Variants in AIRE observed in about 807,000 individuals in gnomAD.
AIRE encodes autoimmune regulator, also known as autoimmune polyendocrinopathy candidiasis ectodermal dystrophy protein.
AIRE carries 52 observed loss-of-function variants against 62.1 expected under a neutral mutation model. The ratio of observed to expected loss-of-function variants is 0.84; its 90% CI spans 0.67 to 1.06. The LOEUF (loss-of-function observed/expected upper bound fraction) is 1.06, where lower values mean the gene tolerates loss of function less well. Ranked by LOEUF, AIRE falls within the 50% of genes least tolerant of loss-of-function variation. AIRE has a pLI of 0.00. For synonymous variants in AIRE, 342 were observed against 321.6 expected (o/e 1.06, Z -0.68); for missense variants, 774 against 755.8 (o/e 1.02, Z -0.28).
rs1601970163 is a variant in AIRE, at chr21:44,294,053, A to G, written c.1400+143A>G. On this transcript the variant is annotated intron_variant, in intron 11 of 13. Coordinates refer to ENST00000291582, the MANE Select transcript of AIRE (RefSeq NM_000383.4). Reference sequence around the variant, plus strand: ...CCACCCACACCTTGCACCCCACCCCACACCCATGCCCTGCACCCACACCCT... The same window carrying G: ...CCACCCACACCTTGCACCCCACCCCGCACCCATGCCCTGCACCCACACCCT... 3.9e-5 allele frequency: 37 copies of G among 954,516 alleles called. 1 individual carries two copies. In the South Asian group the frequency reaches 5.4e-4, roughly 14 times the overall value. The allele number at this position is 954,516 out of a possible 1,614,324, so 59.1% of individuals were successfully genotyped here. A position where few individuals can be genotyped will look rare whatever the true frequency, so the allele number is the denominator to read the frequency against.
chr21:44,289,618 T>C, intron 5 of AIRE, 39 bp from the exon 6 acceptor site: 1 of 1,611,836 alleles, frequency 6.2e-7, no homozygotes, highest in Non-Finnish European at 8.5e-7. Flanking sequence ...CAGGTCCTGC[T>C]GGGCGGGTGA....
rs60821379 is a variant in AIRE at position 44,296,656 on chromosome 21, G to GC, written c.1566+219dup. Among the ~76,000 whole-genome samples, 24,419 of 130,392 alleles carry GC rather than the reference G, an allele frequency of 0.19. 2,538 individuals carry two copies. The highest frequency in any genetic ancestry group is 0.25 in the Middle Eastern group (65 of 258). The allele number at this position is 130,392 out of a possible 152,430, so 85.5% of individuals were successfully genotyped here. On this transcript the variant is annotated intron_variant, in intron 13 of 13. Transcript: ENST00000291582. ...GAGCCCCCCTAGCCCCCTTGCAGGA[G>GC]CCCCCCCCGGCCCCTCCCCCTGCGG... is the stretch of plus-strand genomic sequence containing the variant.
In AIRE at chr21:44,293,055, C is replaced by G. The variant is rs199555518; in HGVS notation, c.1158C>G (p.Ala386=). The change falls in exon 10 of 14, where the codon GCC becomes GCG. Residue 386 remains alanine (A), a synonymous_variant. Transcript: ENST00000291582. ...EVRGPPGEPL[A]GMDTTLVYKH... ...GAGGTCCACCTGGGGAACCCCTAGC[C>G]GGCATGGACACGACTCTTGTCTACA... The G allele has an allele frequency of 1.2e-6, 2 of 1,612,540 alleles. No individual in the cohort carries two copies. Among genetic ancestry groups the G allele is most frequent in the Non-Finnish European group, 1.7e-6 (2 of 1,179,846 alleles).
At chr21:44,295,100 G>A (rs937167792) in intron 12 of AIRE, among the ~76,000 whole-genome samples, 6 of 152,190 alleles carry the variant, frequency 3.9e-5, no homozygotes, top group African/African-American at 9.7e-5. Context: ...GAGCCTCCGG[G>A]GGGGTGGCCT....
At chr21:44,293,507 G>T (rs901808420) in intron 10 of AIRE, among the ~76,000 whole-genome samples, 1 of 151,966 alleles carries the variant, frequency 6.6e-6, no homozygotes, top group Non-Finnish European at 1.5e-5. Flanking sequence ...GGAGACTCCC[G>T]CACTCAGCCC....
Position 44,286,062 on chromosome 21 carries a change from C to A in AIRE, c.56C>A (p.Ala19Glu), listed in dbSNP as rs1456062309. The A allele has an allele frequency of 6.5e-7, 1 of 1,542,190 alleles. No individual in the cohort carries two copies. Among genetic ancestry groups the A allele is most frequent in the Non-Finnish European group, 8.7e-7 (1 of 1,146,010 alleles). ...RLLRLHRTEI[A>E]VAVDSAFPLL... The stretch of plus-strand genomic sequence containing the variant: ...CTGAGGCTGCACCGCACGGAGATCG[C>A]GGTGGCCGTGGACAGCGCCTTCCCA... The change falls in exon 1 of 14, where the codon GCG (alanine) becomes GAG (glutamate). Residue 19 changes from alanine (A) to glutamate (E), a missense_variant. Physicochemically the swap from Ala to Glu is moderately radical, Grantham distance 107. Around this residue, in one of 3 missense-constraint regions of AIRE, gnomAD observed 385 missense variants for 396.0 expected, o/e 0.97. Coordinates refer to ENST00000291582, the MANE Select transcript of AIRE (RefSeq NM_000383.4). This position sits in a 1 kb window ranked among gnomAD's most constrained non-coding sequence, Gnocchi z 6.0.
chr21:44,297,605 G>A lies in AIRE; in HGVS notation c.1567-51G>A, dbSNP rs781217882. 12 of 1,479,504 alleles carry A rather than the reference G, an allele frequency of 8.1e-6. No homozygotes were observed. Among genetic ancestry groups the A allele is most frequent in the Non-Finnish European group, 1.0e-5 (11 of 1,061,460 alleles). 91.6% of individuals were successfully genotyped at this position (1,479,504 alleles called of 1,614,324 possible). A position where few individuals can be genotyped will look rare whatever the true frequency, so the allele number is the denominator to read the frequency against. Reference sequence around the variant, plus strand: ...CTTGTAACGATGGCCATGATTCTGTGGCTGCGGCGGGGGCGCACCTGGAGG... The same window carrying A: ...CTTGTAACGATGGCCATGATTCTGTAGCTGCGGCGGGGGCGCACCTGGAGG... On this transcript the variant is annotated intron_variant, in intron 13 of 13. Transcript: ENST00000291582. This position sits in a 1 kb window ranked among gnomAD's most constrained non-coding sequence, Gnocchi z 4.8.
chr21:44,286,093 G>T lies in AIRE; in HGVS notation c.87G>T (p.Leu29=). The T allele has an allele frequency of 6.5e-7, 1 of 1,546,370 alleles. No homozygotes were observed. The highest frequency in any genetic ancestry group is 8.7e-7 in the Non-Finnish European group (1 of 1,146,568). Residue 29 remains leucine (L), a synonymous_variant, in exon 1 of 14, where the codon CTG becomes CTT. Coordinates refer to ENST00000291582, the MANE Select transcript of AIRE (RefSeq NM_000383.4). The surrounding 1 kb of genome is among the most constrained non-coding windows in gnomAD (Gnocchi z 6.0). ...AVAVDSAFPL[L]HALADHDVVP... ...CCGTGGACAGCGCCTTCCCACTGCT[G>T]CACGCGCTGGCTGACCACGACGTGG...
Position 44,294,521 on chromosome 21 carries a change from C to T in AIRE, c.1503+18C>T. On this transcript the variant is annotated intron_variant, in intron 12 of 13. Coordinates refer to ENST00000291582, the MANE Select transcript of AIRE (RefSeq NM_000383.4). ...CTGCCAAGGTCAGTGCCGCAGGGGC[C>T]CTCCATGCATGCCGGTGCTGGGGGT... 8 of 1,364,176 alleles carry T rather than the reference C, an allele frequency of 5.9e-6. No individual in the cohort carries two copies. The highest frequency in any genetic ancestry group is 1.5e-5 in the African/African-American group (1 of 68,716). The allele number at this position is 1,364,176 out of a possible 1,614,324, so 84.5% of individuals were successfully genotyped here.
chr21:44,289,830 C>G, intron 6 of AIRE, 28 bp downstream of exon 6: 1 of 1,612,032 alleles, frequency 6.2e-7, no homozygotes, highest in Admixed American at 1.7e-5. Flanking sequence ...CCTGGGGAGC[C>G]TGGCTCTTGA....
Position 44,287,023 on chromosome 21 carries a change from TC to T in AIRE, c.357del (p.Lys120ArgfsTer27). ...CGGAAGGGGAGGAAGCCCCCGGCCG[TC>T]CCCAAGGCTTTGGTACCGCCACCCA... ...QPRKGRKPPAVPKALVPPPRL... is the reference protein window; with the variant it reads ...QPRKGRKPPAXPKALVPPPRL... On this transcript the variant is annotated frameshift_variant, in exon 3 of 14. Transcript: ENST00000291582. LOFTEE classifies it high-confidence loss of function. The surrounding 1 kb of genome is among the most constrained non-coding windows in gnomAD (Gnocchi z 4.3). 1 of 1,612,644 alleles carries T rather than the reference TC, an allele frequency of 6.2e-7. No homozygotes were observed. Among genetic ancestry groups the T allele is most frequent in the Non-Finnish European group, 8.5e-7 (1 of 1,179,946 alleles).
intron 10 of AIRE, 41 bp downstream of exon 10, chr21:44,293,216 C>T (rs2040562550): frequency 2.0e-6 from 3 of 1,499,666 alleles, no homozygotes; most frequent in Non-Finnish European, 1.8e-6. Flanking sequence ...CTTCAAGGAG[C>T]CCAGGACCTA....
Position 44,293,911 on chromosome 21 carries a change from G to A in AIRE, c.1400+1G>A, listed in dbSNP as rs1469386000. ...TCCCAGCCGGCACCTCCCGGCCCGG[G>A]TGAGTGAGCGTGGTCGGCGGGGAGG... On this transcript the variant is annotated splice_donor_variant, in intron 11 of 13. Transcript: ENST00000291582. LOFTEE classifies it high-confidence loss of function. 1 of 1,596,400 alleles carries A rather than the reference G, an allele frequency of 6.3e-7. No individual in the cohort carries two copies. Among genetic ancestry groups the A allele is most frequent in the East Asian group, 2.2e-5 (1 of 44,854 alleles).
chr21:44,296,200 G>C (rs1168738907), intron 12 of AIRE, among the ~76,000 whole-genome samples, 183 bp from the exon 13 acceptor site: 1 of 152,114 alleles, frequency 6.6e-6, no homozygotes, highest in Non-Finnish European at 1.5e-5. Context: ...AGGACCCTGG[G>C]GAGGCAGCCC....
chr21:44,286,279 G>C lies in AIRE; in HGVS notation c.132+141G>C, dbSNP rs576198449. ...CAACTCCCTCCCCACAAGGAGCCAGGGGCGTCCCTGATGACAAGTTAGAAG... is the reference window on the plus strand; with the variant it reads ...CAACTCCCTCCCCACAAGGAGCCAGCGGCGTCCCTGATGACAAGTTAGAAG... On this transcript the variant is annotated intron_variant, in intron 1 of 13. Coordinates refer to ENST00000291582, the MANE Select transcript of AIRE (RefSeq NM_000383.4). The surrounding 1 kb of genome is among the most constrained non-coding windows in gnomAD (Gnocchi z 6.0). 4 of 1,019,042 alleles carry C rather than the reference G, an allele frequency of 3.9e-6. No individual in the cohort carries two copies. The African/African-American group carries it at 6.5e-5, about 16-fold the overall frequency. The allele number at this position is 1,019,042 out of a possible 1,614,324, so 63.1% of individuals were successfully genotyped here. A position where few individuals can be genotyped will look rare whatever the true frequency, so the allele number is the denominator to read the frequency against.
chr21:44,289,842 G>GC (rs1041917208), intron 6 of AIRE, 40 bp downstream of exon 6: 2 of 1,611,364 alleles, frequency 1.2e-6, no homozygotes, highest in Non-Finnish European at 1.7e-6. Flanking sequence ...GGCTCTTGAT[G>GC]CCCCCCGCCC....
rs2073609 is a variant in AIRE, at chr21:44,288,093, T to C, written c.539-252T>C. Among the ~76,000 whole-genome samples the C allele has an allele frequency of 0.13, 20,133 of 152,028 alleles. 2,853 individuals are homozygous for C. Among genetic ancestry groups the C allele is most frequent in the African/African-American group, 0.34 (13,882 of 41,368 alleles). ...GTCATTGGTCATGCCTTCCTATCCA[T>C]TGTGCCAGCTCTGCTGACACTGCCA... On this transcript the variant is annotated intron_variant, in intron 4 of 13. Coordinates refer to ENST00000291582, the MANE Select transcript of AIRE (RefSeq NM_000383.4).
At chr21:44,294,348 G>A in intron 11 of AIRE, 53 bp from the exon 12 acceptor site, 1 of 1,257,368 alleles carries the variant, frequency 8.0e-7, no homozygotes, top group Non-Finnish European at 1.1e-6. Flanking sequence ...ATACCCCGGA[G>A]GTGGCACTCC....
Position 44,287,409 on chromosome 21 carries a change from C to A in AIRE, c.464-108C>A. The A allele has an allele frequency of 1.2e-6, 1 of 806,950 alleles. No homozygotes were observed. The highest frequency in any genetic ancestry group is 2.7e-5 in the East Asian group (1 of 37,416). 50.0% of individuals were successfully genotyped at this position (806,950 alleles called of 1,614,324 possible). A position where few individuals can be genotyped will look rare whatever the true frequency, so the allele number is the denominator to read the frequency against. ...AAACCAGAGCCCGGCAAAGGGACTA[C>A]CCAGCACTGGACCGCCCCCTCCACG... On this transcript the variant is annotated intron_variant, in intron 3 of 13. Transcript: ENST00000291582. The surrounding 1 kb of genome is among the most constrained non-coding windows in gnomAD (Gnocchi z 4.3).
Sources: gnomAD v4.1 joint callset for allele counts (sites outside exome capture counted in the v4.1 genomes callset) on GRCh38, gnomAD v4.1.1 for gene constraint, gnomAD v4.1.1 regional missense constraint, Gnocchi (gnomAD v3.1) non-coding constraint, MANE v1.5 for transcripts, NCBI Gene and HGNC (gene_info 2026-07-23, HGNC 2026-07-21) for gene names.